CSMD1: variants seen among roughly 807,000 people sequenced by gnomAD.
CSMD1 encodes CUB and Sushi multiple domains 1, also known as CUB and sushi domain-containing protein 1.
CSMD1 carries 213 observed loss-of-function variants against 417.5 expected under a neutral mutation model. That is an observed-to-expected ratio of 0.51 (90% CI 0.46 to 0.57). The LOEUF (loss-of-function observed/expected upper bound fraction) is 0.57, where lower values mean the gene tolerates loss of function less well. Among genes scored for constraint, CSMD1 ranks in the 20% least tolerant of loss-of-function variants. The probability of loss-of-function intolerance (pLI) is 0.00; values close to 1 mark genes in which losing one functional copy is unlikely to be tolerated. For missense variants in CSMD1, 6,923 were observed against 4,529.7 expected (o/e 1.53, Z -15.17); for synonymous variants, 2,862 against 1,736.8 (o/e 1.65, Z -16.11).
At chr8:2,978,094 A>C (rs1393827574) in intron 55 of CSMD1, among the ~76,000 whole-genome samples, 1 of 152,208 alleles carries the variant, frequency 6.6e-6, no homozygotes, top group African/African-American at 2.4e-5. Flanking sequence ...AAAGGATATG[A>C]GGTTTTTATT....
intron 5 of CSMD1, among the ~76,000 whole-genome samples, chr8:3,906,463 G>C (rs1444473588): frequency 6.6e-6 from 1 of 152,040 alleles, no homozygotes; most frequent in East Asian, 1.9e-4. Flanking sequence ...TATGAATTCT[G>C]AAAAGACATA....
At chr8:3,552,255 G>A (rs1350666255) in intron 10 of CSMD1, among the ~76,000 whole-genome samples, 1 of 151,960 alleles carries the variant, frequency 6.6e-6, no homozygotes, top group African/African-American at 2.4e-5. Context: ...AAAGTGTATC[G>A]ACACAGAAAG....
At chr8:3,879,872 C>T (rs558673764) in intron 5 of CSMD1, among the ~76,000 whole-genome samples, 1 of 151,932 alleles carries the variant, frequency 6.6e-6, no homozygotes, top group East Asian at 1.9e-4. Context: ...TAGTCTTCTT[C>T]TGGTGTGGAT....
intron 25 of CSMD1, among the ~76,000 whole-genome samples, chr8:3,296,437 C>A (rs2117311655): frequency 6.6e-6 from 1 of 152,164 alleles, no homozygotes; most frequent in East Asian, 1.9e-4. Context: ...GGTGCCTACG[C>A]ACAGAGGGCT....
At chr8:3,351,102 C>A (rs1474663978) in intron 21 of CSMD1, among the ~76,000 whole-genome samples, 2 of 152,186 alleles carry the variant, frequency 1.3e-5, no homozygotes, top group Non-Finnish European at 2.9e-5. Context: ...GAATAAGTAT[C>A]TCTCATAACC....
chr8:4,076,261 G>A (rs895065505), intron 3 of CSMD1, among the ~76,000 whole-genome samples: 22 of 152,140 alleles, frequency 1.4e-4, no homozygotes, highest in African/African-American at 5.3e-4. Context: ...CTGCCACTAT[G>A]TGAAGAAGAA....
At chr8:4,265,237 T>C (rs1462726960) in intron 3 of CSMD1, among the ~76,000 whole-genome samples, 2 of 152,126 alleles carry the variant, frequency 1.3e-5, no homozygotes, top group East Asian at 3.9e-4. Context: ...ATTGTATTCA[T>C]ATATTTTATG....
intron 7 of CSMD1, among the ~76,000 whole-genome samples, chr8:3,700,000 G>A (rs1356782917): frequency 6.6e-6 from 1 of 151,848 alleles, no homozygotes; most frequent in African/African-American, 2.4e-5. Flanking sequence ...CTGAGCATCT[G>A]TTGTGTTCCT....
chr8:4,321,081 C>A (rs762040956), intron 3 of CSMD1, among the ~76,000 whole-genome samples: 2 of 152,100 alleles, frequency 1.3e-5, no homozygotes, highest in Non-Finnish European at 2.9e-5. Flanking sequence ...TCTTGTCATA[C>A]GCTTATATTG....
chr8:3,992,098 C>G (rs933335975), intron 5 of CSMD1, among the ~76,000 whole-genome samples: 1 of 150,716 alleles, frequency 6.6e-6, no homozygotes, highest in African/African-American at 2.4e-5. Context: ...TGCAGAGTAT[C>G]AAGAAAAGGA....
intron 62 of CSMD1, among the ~76,000 whole-genome samples, chr8:2,960,901 T>A (rs1371160863): frequency 6.8e-6 from 1 of 147,334 alleles, no homozygotes; most frequent in African/African-American, 2.5e-5. Context: ...AATTTCTATA[T>A]GAAATTATGC....
chr8:4,563,974 G>C (rs1212423746), intron 2 of CSMD1, among the ~76,000 whole-genome samples: 1 of 152,182 alleles, frequency 6.6e-6, no homozygotes, highest in Non-Finnish European at 1.5e-5. Context: ...TTTAGCTGTT[G>C]AACATCTGCA....
chr8:2,985,125 G>A (rs1448843304), intron 54 of CSMD1, among the ~76,000 whole-genome samples: 1 of 152,046 alleles, frequency 6.6e-6, no homozygotes, highest in African/African-American at 2.4e-5. Flanking sequence ...TATAAACTGT[G>A]ACACAATTTT....
At chr8:3,592,883 G>T (rs532481913) in intron 8 of CSMD1, among the ~76,000 whole-genome samples, 1 of 152,124 alleles carries the variant, frequency 6.6e-6, no homozygotes, top group South Asian at 2.1e-4. Context: ...CCCACTTCCT[G>T]CTTCTCCACT....
chr8:3,982,720 C>T (rs1438850608), intron 5 of CSMD1, among the ~76,000 whole-genome samples: 1 of 151,966 alleles, frequency 6.6e-6, no homozygotes, highest in Non-Finnish European at 1.5e-5. Flanking sequence ...GAGGGAAGCA[C>T]CCGGCATCTG....
chr8:4,020,939 A>G (rs1204604127), intron 4 of CSMD1, among the ~76,000 whole-genome samples: 1 of 152,236 alleles, frequency 6.6e-6, no homozygotes, highest in African/African-American at 2.4e-5. Context: ...AGAATTTCCA[A>G]CACATTGTGA....
chr8:4,693,356 G>C (rs1413774194), intron 1 of CSMD1, among the ~76,000 whole-genome samples: 1 of 152,218 alleles, frequency 6.6e-6, no homozygotes, highest in African/African-American at 2.4e-5. Flanking sequence ...TGCATCTTAT[G>C]TGAGTAGAGT....
At chr8:4,028,797 T>C (rs1361265580) in intron 4 of CSMD1, among the ~76,000 whole-genome samples, 2 of 152,228 alleles carry the variant, frequency 1.3e-5, no homozygotes, top group Non-Finnish European at 2.9e-5. Context: ...TTTTAGCAAA[T>C]TTTCTGGCAT....
chr8:3,108,897 G>A lies in CSMD1; in HGVS notation c.6609-149C>T, dbSNP rs904528674. The A allele has an allele frequency of 5.0e-6, 4 of 792,338 alleles. No individual in the cohort carries two copies. In the African/African-American group the frequency reaches 5.2e-5, roughly 10 times the overall value. The allele number at this position is 792,338 out of a possible 1,614,324, so 49.1% of individuals were successfully genotyped here. On this transcript the variant is annotated intron_variant, in intron 43 of 69. Coordinates refer to ENST00000635120, the MANE Select transcript of CSMD1 (RefSeq NM_033225.6). Reference sequence around the variant, plus strand: ...CTGTGTTTGTAAACATCAAGATGTTGAATGTCCACAAAGTTGAGGAACCCT... The same window carrying A: ...CTGTGTTTGTAAACATCAAGATGTTAAATGTCCACAAAGTTGAGGAACCCT...
Sources: gnomAD v4.1 joint callset for allele counts (sites outside exome capture counted in the v4.1 genomes callset) on GRCh38, gnomAD v4.1.1 for gene constraint, MANE v1.5 for transcripts, NCBI Gene and HGNC (gene_info 2026-07-23, HGNC 2026-07-21) for gene names.